PPFIA2: variants seen among roughly 807,000 people sequenced by gnomAD.
The protein encoded by PPFIA2 is liprin-alpha-2.
Under a neutral mutation model 175.5 loss-of-function variants are expected in PPFIA2, and 46 were observed. The ratio of observed to expected loss-of-function variants is 0.26; its 90% CI spans 0.21 to 0.34. The LOEUF is 0.34. Ranked by LOEUF, PPFIA2 falls within the 10% of genes least tolerant of loss-of-function variation. The pLI is 1.00. For synonymous variants in PPFIA2, 568 were observed against 511.4 expected (o/e 1.11, Z -1.49); for missense variants, 1,179 against 1,506.1 (o/e 0.78, Z 3.60).
intron 22 of PPFIA2, chr12:81,312,453 C>T (rs2051165143): frequency 7.3e-6 from 3 of 413,698 alleles, no homozygotes. Context: ...TTTTCCCAGC[C>T]TCGAGTACAT....
chr12:81,607,787 C>A (rs1265659925), intron 4 of PPFIA2, among the ~76,000 whole-genome samples: 2 of 151,926 alleles, frequency 1.3e-5, no homozygotes, highest in Non-Finnish European at 1.5e-5. Flanking sequence ...CCTTTTATTT[C>A]TTTCTCTTAT....
intron 4 of PPFIA2, among the ~76,000 whole-genome samples, chr12:81,675,890 T>C (rs1029025754): frequency 1.3e-5 from 2 of 152,064 alleles, no homozygotes; most frequent in Non-Finnish European, 2.9e-5. Context: ...CTATAATACA[T>C]TTTTTAGCCA....
At chr12:81,512,998 G>C (rs917403910) in intron 4 of PPFIA2, among the ~76,000 whole-genome samples, 2 of 151,856 alleles carry the variant, frequency 1.3e-5, no homozygotes, top group African/African-American at 4.8e-5. Context: ...TACAAACTAC[G>C]CATCTGACAA....
At chr12:81,608,786 T>A (rs1159455142) in intron 4 of PPFIA2, among the ~76,000 whole-genome samples, 3 of 152,016 alleles carry the variant, frequency 2.0e-5, no homozygotes, top group African/African-American at 7.2e-5. Context: ...TGCATGTCAA[T>A]TTTATTGTTC....
At chr12:81,725,157 T>C (rs1238098518) in intron 3 of PPFIA2, among the ~76,000 whole-genome samples, 1 of 150,946 alleles carries the variant, frequency 6.6e-6, no homozygotes. Flanking sequence ...TTATGTCAGA[T>C]CAAGGGAACA....
intron 3 of PPFIA2, among the ~76,000 whole-genome samples, chr12:81,715,409 TA>T (rs1387244793): frequency 6.6e-6 from 1 of 151,802 alleles, no homozygotes; most frequent in Non-Finnish European, 1.5e-5. Context: ...GTATACAGAA[TA>T]ATTTATTTTT....
chr12:81,677,207 T>C (rs1225292575), intron 3 of PPFIA2, among the ~76,000 whole-genome samples: 1 of 151,062 alleles, frequency 6.6e-6, no homozygotes, highest in Admixed American at 6.6e-5. Context: ...CCTAAAAATA[T>C]TTAATTTTTT....
intron 4 of PPFIA2, among the ~76,000 whole-genome samples, chr12:81,459,639 T>TA (rs142519694): frequency 0.034 from 5,102 of 152,194 alleles, 272 homozygotes; most frequent in African/African-American, 0.12. Flanking sequence ...TATAAACCTG[T>TA]AAGTGCACTG....
intron 7 of PPFIA2, chr12:81,430,624 C>T (rs2047938416): frequency 6.6e-6 from 1 of 151,656 alleles, no homozygotes; most frequent in Non-Finnish European, 1.5e-5. Context: ...TTGCTTGAGT[C>T]TCATATCTCT....
intron 3 of PPFIA2, among the ~76,000 whole-genome samples, chr12:81,713,267 T>C (rs1035533696): frequency 9.3e-5 from 14 of 151,056 alleles, no homozygotes; most frequent in African/African-American, 3.4e-4. Context: ...TGTATTCCTC[T>C]TTGACATATG....
At chr12:81,298,349 C>T (rs1182436472) in intron 23 of PPFIA2, 3 of 152,136 alleles carry the variant, frequency 2.0e-5, no homozygotes, top group Non-Finnish European at 4.4e-5. Context: ...AGAAAAAATA[C>T]AAAGCGTGTT....
intron 4 of PPFIA2, among the ~76,000 whole-genome samples, chr12:81,674,241 A>G (rs1408965848): frequency 1.3e-5 from 2 of 152,064 alleles, no homozygotes; most frequent in Admixed American, 1.3e-4. Flanking sequence ...CTTATGAGAG[A>G]TCATTCACTC....
intron 4 of PPFIA2, among the ~76,000 whole-genome samples, chr12:81,660,570 A>T (rs1309363790): frequency 6.6e-6 from 1 of 152,232 alleles, no homozygotes; most frequent in African/African-American, 2.4e-5. Context: ...TCTACGTCCC[A>T]TTGGTGTACC....
chr12:81,732,332 C>T (rs1056498852), intron 3 of PPFIA2, among the ~76,000 whole-genome samples: 5 of 151,038 alleles, frequency 3.3e-5, no homozygotes, highest in South Asian at 4.2e-4. Context: ...GTAAAAATAC[C>T]GCATAAAAGT....
chr12:81,518,186 T>G (rs775372980), intron 4 of PPFIA2, among the ~76,000 whole-genome samples: 21 of 152,184 alleles, frequency 1.4e-4, no homozygotes, highest in Non-Finnish European at 2.9e-4. Context: ...AATTTCACTA[T>G]TCCAGTCAAA....
At chr12:81,642,187 ACT>A (rs1351843723) in intron 4 of PPFIA2, among the ~76,000 whole-genome samples, 16 of 152,022 alleles carry the variant, frequency 1.1e-4, no homozygotes, top group African/African-American at 2.9e-4. Context: ...TATCTCAAAG[ACT>A]CTGTTATAAT....
At chr12:81,343,010 A>C (rs1440369823) in intron 19 of PPFIA2, among the ~76,000 whole-genome samples, 1 of 151,728 alleles carries the variant, frequency 6.6e-6, no homozygotes, top group African/African-American at 2.4e-5. Flanking sequence ...TCTGAATATC[A>C]CTTAGAGTTT....
intron 22 of PPFIA2, among the ~76,000 whole-genome samples, chr12:81,301,841 T>C (rs1252884939): frequency 6.6e-6 from 1 of 152,180 alleles, no homozygotes; most frequent in African/African-American, 2.4e-5. Flanking sequence ...TCTGAATGTC[T>C]CCTCCCTTAC....
In PPFIA2 at chr12:81,297,874, A is replaced by G. The variant is rs187836449; in HGVS notation, c.2724+1427T>C. On this transcript the variant is annotated intron_variant, in intron 23 of 32. Coordinates refer to ENST00000549396, the MANE Select transcript of PPFIA2 (RefSeq NM_003625.5). ...AGGAGGAACGAAAGGAGATGAAGTTAAAGTTTCATTCATTGGATCACTCAG... is the reference window on the plus strand; with the variant it reads ...AGGAGGAACGAAAGGAGATGAAGTTGAAGTTTCATTCATTGGATCACTCAG... Among the ~76,000 whole-genome samples the G allele has an allele frequency of 1.7e-3, 266 of 152,358 alleles. 1 individual carries two copies. The highest frequency in any genetic ancestry group is 6.1e-3 in the African/African-American group (253 of 41,578).
Sources: gnomAD v4.1 joint callset for allele counts (sites outside exome capture counted in the v4.1 genomes callset) on GRCh38, gnomAD v4.1.1 for gene constraint, MANE v1.5 for transcripts, NCBI Gene and HGNC (gene_info 2026-07-23, HGNC 2026-07-21) for gene names.